Variants in RASEF observed in about 807,000 individuals in gnomAD.
RASEF encodes ras and EF-hand domain-containing protein.
In RASEF, 68 loss-of-function variants were observed where a neutral mutation model predicts 90.1. That is an observed-to-expected ratio of 0.75 (90% CI 0.62 to 0.92). RASEF has a LOEUF of 0.92. Among genes scored for constraint, RASEF ranks in the 40% least tolerant of loss-of-function variants. The probability of loss-of-function intolerance (pLI) is 0.00; values close to 1 mark genes in which losing one functional copy is unlikely to be tolerated. For missense variants in RASEF, 949 were observed against 937.2 expected (o/e 1.01, Z -0.16); for synonymous variants, 331 against 345.2 (o/e 0.96, Z 0.46).
At chr9:83,174,364 C>T in the RASEF span, among the ~76,000 whole-genome samples, 59 of 151,838 alleles carry the variant, frequency 3.9e-4, no homozygotes, top group Admixed American at 1.6e-3. Flanking sequence ...ATTATTTTGC[C>T]GGTGGATAGC....
At chr9:83,116,046 A>G in the RASEF span, among the ~76,000 whole-genome samples, 1 of 152,176 alleles carries the variant, frequency 6.6e-6, no homozygotes, top group South Asian at 2.1e-4. Flanking sequence ...AATGTAGTGG[A>G]GATTTGAAAC....
chr9:83,054,707 G>A (rs1830071179), intron 1 of RASEF: 1 of 136,008 alleles, frequency 7.4e-6, no homozygotes, highest in Non-Finnish European at 1.6e-5. Context: ...TGATGGTGAT[G>A]TACAGATGGG....
chr9:83,209,244 T>C, the RASEF span, among the ~76,000 whole-genome samples: 2 of 152,240 alleles, frequency 1.3e-5, no homozygotes, highest in Admixed American at 6.5e-5. Flanking sequence ...TGGGAAGCCA[T>C]CAACACTGAT....
the RASEF span, among the ~76,000 whole-genome samples, chr9:83,218,883 T>A: frequency 6.6e-6 from 1 of 152,178 alleles, no homozygotes; most frequent in African/African-American, 2.4e-5. Flanking sequence ...GCCACATACC[T>A]GTGTGTCCTC....
At chr9:83,208,833 G>A in the RASEF span, among the ~76,000 whole-genome samples, 1 of 152,168 alleles carries the variant, frequency 6.6e-6, no homozygotes, top group Non-Finnish European at 1.5e-5. Flanking sequence ...AGAGGGGGAG[G>A]ATCAGATGAT....
Position 82,990,416 on chromosome 9 carries a change from C to G in RASEF, c.2092G>C (p.Val698Leu). ...CGAGCAAGGTGCAGAACAGCCTCCA[C>G]TATGTTAGAACCATCTTTGGCACTT... ...ETSAKDGSNIVEAVLHLAREV... is the reference protein window; with the variant it reads ...ETSAKDGSNILEAVLHLAREV... The change falls in exon 16 of 17, where the codon GTG becomes CTG. Residue 698 changes from valine (V) to leucine (L), a missense_variant. Around this residue, in one of 3 missense-constraint regions of RASEF, gnomAD observed 288 missense variants for 328.4 expected, o/e 0.88. Coordinates refer to ENST00000376447, the MANE Select transcript of RASEF (RefSeq NM_152573.4). The G allele has an allele frequency of 6.2e-7, 1 of 1,613,872 alleles. No individual in the cohort carries two copies. Among genetic ancestry groups the G allele is most frequent in the Non-Finnish European group, 8.5e-7 (1 of 1,179,810 alleles).
chr9:83,144,362 A>G, the RASEF span, among the ~76,000 whole-genome samples: 1 of 90,128 alleles, frequency 1.1e-5, no homozygotes, highest in African/African-American at 4.8e-5. Context: ...AAAGAAAGAA[A>G]GAAAGAAAGA....
At chr9:83,073,924 G>T in the RASEF span, among the ~76,000 whole-genome samples, 7 of 152,140 alleles carry the variant, frequency 4.6e-5, no homozygotes, top group African/African-American at 2.4e-5. Context: ...ATAGAAAAAT[G>T]CATTATTTGG....
chr9:82,985,302 G>A (rs938881569), intron 16 of RASEF, among the ~76,000 whole-genome samples: 6 of 152,192 alleles, frequency 3.9e-5, no homozygotes, highest in East Asian at 1.9e-4. Flanking sequence ...AGAGAAAAAC[G>A]AGAGAGAAGC....
the RASEF span, among the ~76,000 whole-genome samples, chr9:83,144,391 G>GGAAGGAAGGAAAGAAAGAAAGAAA: frequency 1.2e-4 from 4 of 33,242 alleles, no homozygotes; most frequent in East Asian, 9.9e-4. Context: ...AAGAAAGAAA[G>GGAAGGAAGGAAAGAAAGAAAGAAA]GAAAGAAAGA....
the RASEF span, among the ~76,000 whole-genome samples, chr9:83,177,423 G>C: frequency 2.0e-5 from 3 of 152,118 alleles, no homozygotes; most frequent in African/African-American, 7.2e-5. Flanking sequence ...TTATCTGAGA[G>C]TGTCTGTATA....
At chr9:83,217,392 G>T in the RASEF span, among the ~76,000 whole-genome samples, 1 of 152,250 alleles carries the variant, frequency 6.6e-6, no homozygotes, top group Non-Finnish European at 1.5e-5. Context: ...TTTGGGAGAA[G>T]CCAGGGGCAG....
chr9:83,161,666 G>A, the RASEF span, among the ~76,000 whole-genome samples: 1 of 111,858 alleles, frequency 8.9e-6, no homozygotes. Flanking sequence ...GTGAGGACAT[G>A]AGATTTGGGA....
the RASEF span, among the ~76,000 whole-genome samples, chr9:83,088,289 G>A: frequency 6.6e-6 from 1 of 150,850 alleles, no homozygotes. Flanking sequence ...ATAGACATAG[G>A]TATCTCTCTC....
At chr9:83,087,432 T>TCC in the RASEF span, among the ~76,000 whole-genome samples, 1 of 151,686 alleles carries the variant, frequency 6.6e-6, no homozygotes, top group African/African-American at 2.4e-5. Context: ...TCTCTCTCTC[T>TCC]CTCTCTCTGT....
the RASEF span, among the ~76,000 whole-genome samples, chr9:83,085,786 G>T: frequency 6.6e-6 from 1 of 151,906 alleles, no homozygotes; most frequent in Non-Finnish European, 1.5e-5. Flanking sequence ...TTAGCGAGGC[G>T]TGGTGGCATG....
rs1174147161 is a variant in RASEF, at chr9:83,017,321, TAAAAAAAAA to T, written c.670-1430_670-1422del. Among the ~76,000 whole-genome samples, 24 of 128,224 alleles carry T rather than the reference TAAAAAAAAA, an allele frequency of 1.9e-4. No individual in the cohort carries two copies. In the Admixed American group the frequency reaches 1.9e-3, roughly 10 times the overall value. The allele number at this position is 128,224 out of a possible 152,430, so 84.1% of individuals were successfully genotyped here. The stretch of plus-strand genomic sequence containing the variant: ...TAACACGGTGAAACCTCGTCTCTAC[TAAAAAAAAA>T]AAAAAAAAAAAAGAAAGAAATTAGC... On this transcript the variant is annotated intron_variant, in intron 3 of 16. Coordinates refer to ENST00000376447, the MANE Select transcript of RASEF (RefSeq NM_152573.4).
chr9:83,049,424 C>T, intron 1 of RASEF: 1 of 739,134 alleles, frequency 1.4e-6, no homozygotes, highest in Non-Finnish European at 1.7e-6. Context: ...GCCCATTCTC[C>T]CATCACTTTT....
At chr9:83,040,343 T>TG (rs1829815721) in intron 1 of RASEF, among the ~76,000 whole-genome samples, 2 of 152,160 alleles carry the variant, frequency 1.3e-5, no homozygotes, top group South Asian at 4.1e-4. Flanking sequence ...ATAATAAATG[T>TG]GGGGGCATTT....
Sources: gnomAD v4.1 joint callset for allele counts (sites outside exome capture counted in the v4.1 genomes callset) on GRCh38, gnomAD v4.1.1 for gene constraint, gnomAD v4.1.1 regional missense constraint, MANE v1.5 for transcripts, NCBI Gene and HGNC (gene_info 2026-07-23, HGNC 2026-07-21) for gene names.